ZNF704: variants seen among roughly 807,000 people sequenced by gnomAD.
The protein encoded by ZNF704 is zinc finger protein 704.
ZNF704 carries 10 observed loss-of-function variants against 44.7 expected under a neutral mutation model. That is an observed-to-expected ratio of 0.22 (90% confidence interval 0.14 to 0.38). The LOEUF (loss-of-function observed/expected upper bound fraction) is 0.38, where lower values mean the gene tolerates loss of function less well. ZNF704 is among the 10% of genes least tolerant of loss of function. The pLI is 1.00. For missense variants in ZNF704, 390 were observed against 545.5 expected (o/e 0.71, Z 2.84); for synonymous variants, 211 against 207.6 (o/e 1.02, Z -0.14).
intron 2 of ZNF704, among the ~76,000 whole-genome samples, chr8:80,728,130 CT>C: frequency 6.6e-6 from 1 of 152,212 alleles, no homozygotes; most frequent in East Asian, 1.9e-4. Context: ...ATGCTAGAAA[CT>C]ATGCTAAATG....
intron 2 of ZNF704, among the ~76,000 whole-genome samples, chr8:80,794,233 T>C (rs981303986): frequency 1.3e-5 from 2 of 152,184 alleles, no homozygotes; most frequent in African/African-American, 4.8e-5. Flanking sequence ...TTGGTGAATT[T>C]TGACTTTTTG....
intron 2 of ZNF704, among the ~76,000 whole-genome samples, chr8:80,755,506 C>T (rs1453295587): frequency 6.6e-6 from 1 of 152,120 alleles, no homozygotes; most frequent in Non-Finnish European, 1.5e-5. Context: ...AATGGTCCAG[C>T]TGAGGAAAAC....
At chr8:80,846,093 G>C (rs2129981860) in intron 1 of ZNF704, among the ~76,000 whole-genome samples, 1 of 152,136 alleles carries the variant, frequency 6.6e-6, no homozygotes, top group African/African-American at 2.4e-5. Context: ...TTTTTATGAG[G>C]GAATGCTGCT....
At chr8:80,736,387 C>G (rs183420769) in intron 2 of ZNF704, among the ~76,000 whole-genome samples, 1 of 152,354 alleles carries the variant, frequency 6.6e-6, no homozygotes, top group Non-Finnish European at 1.5e-5. Flanking sequence ...TCAAGCGATT[C>G]TCCTGCCTCA....
intron 2 of ZNF704, among the ~76,000 whole-genome samples, chr8:80,713,027 C>T (rs1429514558): frequency 1.3e-5 from 2 of 151,918 alleles, no homozygotes; most frequent in African/African-American, 4.8e-5. Context: ...TCCTGAGTAG[C>T]TGGGATTACA....
At chr8:80,795,835 G>A (rs1422024980) in intron 2 of ZNF704, among the ~76,000 whole-genome samples, 4 of 152,182 alleles carry the variant, frequency 2.6e-5, no homozygotes, top group African/African-American at 9.7e-5. Context: ...CAATGAGGGT[G>A]CACTGGCATT....
intron 2 of ZNF704, among the ~76,000 whole-genome samples, chr8:80,782,312 G>C (rs1266519967): frequency 6.6e-6 from 1 of 152,206 alleles, no homozygotes; most frequent in Non-Finnish European, 1.5e-5. Context: ...GTAATTGTCT[G>C]CATTTACATT....
intron 2 of ZNF704, among the ~76,000 whole-genome samples, chr8:80,719,212 A>G (rs1033432075): frequency 1.3e-5 from 2 of 152,048 alleles, no homozygotes; most frequent in Admixed American, 1.3e-4. Context: ...CTGGGCTTAA[A>G]TGATCCTCCC....
At chr8:80,819,092 T>C (rs1428923362) in intron 2 of ZNF704, among the ~76,000 whole-genome samples, 1 of 152,136 alleles carries the variant, frequency 6.6e-6, no homozygotes, top group East Asian at 1.9e-4. Context: ...CCCCAAACAA[T>C]GAAGCCTTAA....
At chr8:80,793,849 C>T (rs1807754453) in intron 2 of ZNF704, among the ~76,000 whole-genome samples, 1 of 152,080 alleles carries the variant, frequency 6.6e-6, no homozygotes, top group Non-Finnish European at 1.5e-5. Context: ...TTTTATTTGG[C>T]AAGAAGAAAG....
chr8:80,734,703 G>A (rs1251167209), intron 2 of ZNF704, among the ~76,000 whole-genome samples: 1 of 152,194 alleles, frequency 6.6e-6, no homozygotes, highest in Non-Finnish European at 1.5e-5. Context: ...GTTTTAGCAT[G>A]TATTCCACTT....
intron 7 of ZNF704, among the ~76,000 whole-genome samples, chr8:80,643,931 A>C (rs925383131): frequency 2.6e-5 from 4 of 152,170 alleles, no homozygotes; most frequent in Non-Finnish European, 5.9e-5. Context: ...CTAGTGGATC[A>C]ATCACTGCCA....
intron 1 of ZNF704, among the ~76,000 whole-genome samples, chr8:80,852,726 C>G (rs965685975): frequency 5.3e-5 from 8 of 151,968 alleles, no homozygotes; most frequent in East Asian, 1.9e-4. Flanking sequence ...TGTTGTGCAT[C>G]GAAAAAACAC....
intron 2 of ZNF704, 127 bp from the exon 3 acceptor site, chr8:80,693,234 CTTTA>C (rs1818669844): frequency 1.3e-6 from 1 of 765,306 alleles, no homozygotes; most frequent in African/African-American, 1.7e-5. Flanking sequence ...GTTCTGTTAG[CTTTA>C]TTTTATAGAT....
At chr8:80,726,566 G>A (rs1437740171) in intron 2 of ZNF704, among the ~76,000 whole-genome samples, 1 of 151,978 alleles carries the variant, frequency 6.6e-6, no homozygotes, top group Non-Finnish European at 1.5e-5. Context: ...TATAATGTCT[G>A]GGATTTGCTC....
intron 1 of ZNF704, among the ~76,000 whole-genome samples, chr8:80,836,577 G>A (rs1422425384): frequency 6.6e-6 from 1 of 152,026 alleles, no homozygotes; most frequent in East Asian, 1.9e-4. Context: ...CAAGAGTCAA[G>A]ACCAGCCTGG....
At chr8:80,665,803 C>T (rs936562135) in intron 5 of ZNF704, among the ~76,000 whole-genome samples, 6 of 151,348 alleles carry the variant, frequency 4.0e-5, no homozygotes, top group South Asian at 2.1e-4. Flanking sequence ...ATTAGTAATG[C>T]GGGCACTATT....
intron 1 of ZNF704, among the ~76,000 whole-genome samples, chr8:80,829,484 G>A (rs1808433187): frequency 6.6e-6 from 1 of 152,148 alleles, no homozygotes; most frequent in Non-Finnish European, 1.5e-5. Context: ...ACAGTATTAA[G>A]TTGAAACAAA....
At chr8:80,675,853 T>C (rs545527838) in intron 4 of ZNF704, among the ~76,000 whole-genome samples, 12 of 152,140 alleles carry the variant, frequency 7.9e-5, no homozygotes, top group Non-Finnish European at 1.5e-4. Flanking sequence ...GATAGAGATA[T>C]AAATTTGGGG....
Sources: allele counts gnomAD v4.1 joint callset (sites outside exome capture counted in the v4.1 genomes callset), GRCh38; gene constraint gnomAD v4.1.1; transcripts MANE v1.5; gene names NCBI Gene and HGNC (gene_info 2026-07-23, HGNC 2026-07-21).